The following ITFG1 variants were observed in gnomAD, a reference collection of about 807,000 sequenced individuals.
ITFG1 encodes the protein integrin alpha FG-GAP repeat containing 1.
ITFG1 carries 34 observed loss-of-function variants against 81.8 expected under a neutral mutation model. That is an observed-to-expected ratio of 0.42 (90% CI 0.32 to 0.55). The LOEUF is 0.55. Among genes scored for constraint, ITFG1 ranks in the 20% least tolerant of loss-of-function variants. The probability of loss-of-function intolerance (pLI) is 0.17; values close to 1 mark genes in which losing one functional copy is unlikely to be tolerated. For missense variants in ITFG1, 672 were observed against 755.4 expected, an observed-to-expected ratio of 0.89 and a Z score of 1.29; for synonymous variants, 285 against 270.6, an observed-to-expected ratio of 1.05 and a Z score of -0.52.
At chr16:47,381,271 A>G (rs1968392582) in intron 6 of ITFG1, among the ~76,000 whole-genome samples, 1 of 152,214 alleles carries the variant, frequency 6.6e-6, no homozygotes, top group African/African-American at 2.4e-5. Context: ...CTTTTGATAC[A>G]CTATGGTATA....
chr16:47,456,054 A>C (rs1389228720), intron 2 of ITFG1, among the ~76,000 whole-genome samples: 2 of 152,058 alleles, frequency 1.3e-5, no homozygotes, highest in Non-Finnish European at 2.9e-5. Context: ...GCCTAGCATA[A>C]TAAGTAAAGA....
intron 5 of ITFG1, among the ~76,000 whole-genome samples, chr16:47,442,817 T>A (rs1353900018): frequency 6.6e-6 from 1 of 152,142 alleles, no homozygotes; most frequent in Non-Finnish European, 1.5e-5. Context: ...AACCTAGGCA[T>A]TACCATTCAG....
chr16:47,218,989 G>T, intron 13 of ITFG1, 43 bp from the exon 14 acceptor site: 1 of 1,384,638 alleles, frequency 7.2e-7, no homozygotes, highest in African/African-American at 1.5e-5. Context: ...GAAAATAAGT[G>T]AATTATTGGA....
chr16:47,453,632 A>C (rs1260134938), intron 3 of ITFG1, among the ~76,000 whole-genome samples: 4 of 152,244 alleles, frequency 2.6e-5, no homozygotes, highest in Non-Finnish European at 5.9e-5. Flanking sequence ...CTGCAGGCAC[A>C]GCATCATTCT....
chr16:47,306,259 C>A (rs1387718494), intron 10 of ITFG1, among the ~76,000 whole-genome samples: 1 of 152,008 alleles, frequency 6.6e-6, no homozygotes, highest in African/African-American at 2.4e-5. Context: ...ATTTAAATAA[C>A]ATAATTAACT....
intron 14 of ITFG1, among the ~76,000 whole-genome samples, chr16:47,163,932 CACACACACACACACACACACAT>C (rs1363954571): frequency 2.0e-5 from 3 of 147,674 alleles, no homozygotes; most frequent in African/African-American, 7.9e-5. Context: ...CACACACACA[CACACACACACACACACACACAT>C]ACACACACAC....
chr16:47,405,337 T>C (rs996206262), intron 6 of ITFG1, among the ~76,000 whole-genome samples: 4 of 152,194 alleles, frequency 2.6e-5, no homozygotes, highest in African/African-American at 9.6e-5. Context: ...CATGTACTAG[T>C]CCATTCTTAA....
At chr16:47,209,213 A>G (rs937948006) in intron 14 of ITFG1, among the ~76,000 whole-genome samples, 14 of 152,212 alleles carry the variant, frequency 9.2e-5, no homozygotes, top group African/African-American at 2.7e-4. Flanking sequence ...AACTATATTT[A>G]CTAAAATGTT....
intron 6 of ITFG1, among the ~76,000 whole-genome samples, chr16:47,379,675 G>A (rs1367603967): frequency 6.9e-6 from 1 of 144,722 alleles, no homozygotes; most frequent in African/African-American, 2.6e-5. Flanking sequence ...ACAAGGGCGA[G>A]ATTATTCCAT....
intron 12 of ITFG1, among the ~76,000 whole-genome samples, chr16:47,249,998 T>G (rs548785593): frequency 5.9e-5 from 9 of 152,356 alleles, no homozygotes; most frequent in Non-Finnish European, 1.0e-4. Flanking sequence ...AATTCCTGCC[T>G]GGATTCTGAG....
chr16:47,420,591 T>C (rs1968933473), intron 6 of ITFG1, among the ~76,000 whole-genome samples: 2 of 152,198 alleles, frequency 1.3e-5, no homozygotes, highest in Non-Finnish European at 2.9e-5. Context: ...CTCACGGTAA[T>C]GATTGAGTTC....
intron 14 of ITFG1, among the ~76,000 whole-genome samples, chr16:47,166,695 A>T (rs1159992757): frequency 6.6e-6 from 1 of 152,144 alleles, no homozygotes; most frequent in Non-Finnish European, 1.5e-5. Flanking sequence ...TTATTTAAAA[A>T]TTAATTCCAT....
chr16:47,254,705 A>G (rs1966119994), intron 12 of ITFG1, among the ~76,000 whole-genome samples: 2 of 152,222 alleles, frequency 1.3e-5, no homozygotes, highest in African/African-American at 4.8e-5. Context: ...ATACAGATTA[A>G]TATCTCTTGC....
intron 7 of ITFG1, among the ~76,000 whole-genome samples, chr16:47,367,876 T>C (rs1413959288): frequency 6.6e-6 from 1 of 152,206 alleles, no homozygotes; most frequent in Non-Finnish European, 1.5e-5. Flanking sequence ...AACCTGAAAC[T>C]GCACTAGAGA....
chr16:47,372,406 T>C (rs1968267890), intron 7 of ITFG1, among the ~76,000 whole-genome samples: 1 of 151,964 alleles, frequency 6.6e-6, no homozygotes, highest in Non-Finnish European at 1.5e-5. Flanking sequence ...CTAAAATAAT[T>C]TTTTTCCTGC....
chr16:47,396,739 G>T (rs1968599146), intron 6 of ITFG1, among the ~76,000 whole-genome samples: 1 of 152,162 alleles, frequency 6.6e-6, no homozygotes, highest in African/African-American at 2.4e-5. Flanking sequence ...GCAGGCCCCA[G>T]TGAGATCCAA....
intron 6 of ITFG1, among the ~76,000 whole-genome samples, chr16:47,412,176 A>G (rs531192617): frequency 2.0e-5 from 3 of 152,364 alleles, no homozygotes; most frequent in South Asian, 4.1e-4. Flanking sequence ...AGTAAGAATC[A>G]GCACAGAACT....
chr16:47,423,579 C>A (rs992576408), intron 6 of ITFG1, among the ~76,000 whole-genome samples: 8 of 152,038 alleles, frequency 5.3e-5, no homozygotes, highest in Non-Finnish European at 1.0e-4. Flanking sequence ...ACTGGTTGTT[C>A]CTTTCCATGT....
At chr16:47,209,732 G>T (rs1965543084) in intron 14 of ITFG1, among the ~76,000 whole-genome samples, 1 of 150,800 alleles carries the variant, frequency 6.6e-6, no homozygotes, top group African/African-American at 2.5e-5. Context: ...CTAAATCCCT[G>T]TCTAACTCTA....
Sources: gnomAD v4.1 joint callset for allele counts (sites outside exome capture counted in the v4.1 genomes callset) on GRCh38, gnomAD v4.1.1 for gene constraint, MANE v1.5 for transcripts, NCBI Gene and HGNC (gene_info 2026-07-23, HGNC 2026-07-21) for gene names.